LPP: variants seen among roughly 807,000 people sequenced by gnomAD.
The protein encoded by LPP is lipoma-preferred partner.
In LPP, 38 loss-of-function variants were observed where a neutral mutation model predicts 60.4. The observed-to-expected ratio is 0.63, with a 90% CI of 0.49 to 0.83. The LOEUF is 0.83. LPP is among the 40% of genes least tolerant of loss of function. LPP has a pLI of 0.00. For synonymous variants in LPP, 328 were observed against 290.8 expected (o/e 1.13, Z -1.30); for missense variants, 902 against 783.6 (o/e 1.15, Z -1.80).
chr3:188,773,899 G>A (rs765328090), intron 9 of LPP, among the ~76,000 whole-genome samples: 35 of 152,112 alleles, frequency 2.3e-4, no homozygotes, highest in Non-Finnish European at 4.9e-4. Context: ...TCTTCATGGA[G>A]GAAGAGACCT....
intron 1 of LPP, among the ~76,000 whole-genome samples, chr3:188,172,683 G>A (rs1183998757): frequency 6.6e-6 from 1 of 152,074 alleles, no homozygotes. Flanking sequence ...CATTTTTGAT[G>A]TCTTACATTA....
intron 2 of LPP, chr3:188,247,261 GAA>G (rs71669951): frequency 6.8e-4 from 323 of 476,492 alleles, no homozygotes; most frequent in Non-Finnish European, 7.9e-4. Flanking sequence ...ACTTTAGTGG[GAA>G]AAAAAAAAAA....
chr3:188,623,889 C>T (rs889665454), intron 7 of LPP, among the ~76,000 whole-genome samples: 2 of 152,164 alleles, frequency 1.3e-5, no homozygotes, highest in African/African-American at 4.8e-5. Flanking sequence ...AGCTTCAGGT[C>T]GTCTCTTCCT....
At chr3:188,376,998 G>A (rs1775317868) in intron 3 of LPP, among the ~76,000 whole-genome samples, 1 of 152,128 alleles carries the variant, frequency 6.6e-6, no homozygotes, top group Admixed American at 6.5e-5. Context: ...ATTCTGGGTT[G>A]AAAATTCTTT....
At chr3:188,155,930 G>T (rs1716229991) in intron 1 of LPP, among the ~76,000 whole-genome samples, 1 of 151,984 alleles carries the variant, frequency 6.6e-6, no homozygotes. Context: ...CAGGAGAATC[G>T]CTTGAACCCG....
chr3:188,264,257 T>TTG (rs141464174), intron 2 of LPP, among the ~76,000 whole-genome samples: 5,560 of 151,210 alleles, frequency 0.037, 333 homozygotes, highest in African/African-American at 0.13. Context: ...AACATTAGTT[T>TTG]TGTGTGTGTG....
At chr3:188,573,796 A>G (rs924500617) in intron 6 of LPP, among the ~76,000 whole-genome samples, 1 of 152,114 alleles carries the variant, frequency 6.6e-6, no homozygotes, top group Non-Finnish European at 1.5e-5. Flanking sequence ...GGAGGGCCAG[A>G]GAGGACATGT....
At chr3:188,509,683 T>TC (rs1814721142) in intron 5 of LPP, among the ~76,000 whole-genome samples, 1 of 57,886 alleles carries the variant, frequency 1.7e-5, no homozygotes, top group Non-Finnish European at 3.1e-5. Flanking sequence ...CCTTCCTTCC[T>TC]TCCTCTCTCT....
At chr3:188,522,327 T>C (rs1423838808) in intron 5 of LPP, among the ~76,000 whole-genome samples, 2 of 152,178 alleles carry the variant, frequency 1.3e-5, no homozygotes, top group Admixed American at 1.3e-4. Context: ...ACACACATAG[T>C]TACCAGTGTG....
intron 6 of LPP, among the ~76,000 whole-genome samples, chr3:188,603,325 G>A (rs1483328559): frequency 3.4e-5 from 5 of 145,002 alleles, no homozygotes; most frequent in South Asian, 4.5e-4. Flanking sequence ...GGAAAACTAC[G>A]GATAGACTGA....
intron 8 of LPP, among the ~76,000 whole-genome samples, chr3:188,736,933 A>G (rs963297096): frequency 2.4e-4 from 36 of 152,282 alleles, no homozygotes; most frequent in African/African-American, 8.7e-4. Flanking sequence ...CACTATATTT[A>G]AAGAACTTAA....
chr3:188,678,781 A>G (rs1397735490), intron 7 of LPP, among the ~76,000 whole-genome samples: 1 of 152,220 alleles, frequency 6.6e-6, no homozygotes, highest in African/African-American at 2.4e-5. Context: ...GAAAAATAAG[A>G]TTTAAATAGG....
chr3:188,705,520 T>A (rs534674973), intron 7 of LPP, among the ~76,000 whole-genome samples: 14 of 152,312 alleles, frequency 9.2e-5, no homozygotes, highest in African/African-American at 3.1e-4. Context: ...GTATGCAATT[T>A]AAAGTTTAAC....
intron 7 of LPP, among the ~76,000 whole-genome samples, chr3:188,702,276 A>G (rs1225650619): frequency 1.3e-5 from 2 of 150,564 alleles, no homozygotes; most frequent in Non-Finnish European, 3.0e-5. Flanking sequence ...ACAGTTTTTT[A>G]GATATACATG....
chr3:188,181,221 C>T (rs944201230), intron 1 of LPP, among the ~76,000 whole-genome samples: 3 of 151,862 alleles, frequency 2.0e-5, no homozygotes, highest in Non-Finnish European at 2.9e-5. Context: ...GACTTGGTAG[C>T]GCATGCCTGT....
intron 2 of LPP, among the ~76,000 whole-genome samples, chr3:188,306,133 T>C (rs1751446756): frequency 6.6e-6 from 1 of 152,182 alleles, no homozygotes; most frequent in Non-Finnish European, 1.5e-5. Flanking sequence ...TAGGTTGGAG[T>C]GCAGTGGCGT....
intron 4 of LPP, among the ~76,000 whole-genome samples, chr3:188,438,606 G>GAGGC (rs1339390919): frequency 1.3e-5 from 2 of 152,106 alleles, no homozygotes; most frequent in Non-Finnish European, 2.9e-5. Flanking sequence ...TTAAACTATG[G>GAGGC]AGGCAGGCAT....
At chr3:188,810,262 A>C (rs1483691404) in intron 9 of LPP, among the ~76,000 whole-genome samples, 1 of 151,930 alleles carries the variant, frequency 6.6e-6, no homozygotes, top group Non-Finnish European at 1.5e-5. Flanking sequence ...CATCTGCCTT[A>C]GTGTTCTGCA....
chr3:188,160,570 T>A (rs73887369), intron 1 of LPP, among the ~76,000 whole-genome samples: 1,562 of 152,368 alleles, frequency 0.01, 27 homozygotes, highest in African/African-American at 0.036. Context: ...TCTCTGCCTG[T>A]TGTAAACCTG....
Sources: allele counts gnomAD v4.1 joint callset (sites outside exome capture counted in the v4.1 genomes callset), GRCh38; gene constraint gnomAD v4.1.1; transcripts MANE v1.5; gene names NCBI Gene and HGNC (gene_info 2026-07-23, HGNC 2026-07-21).